HDAC9: variants seen among roughly 807,000 people sequenced by gnomAD.
HDAC9 encodes MEF-2 interacting transcription repressor (MITR) protein.
HDAC9 carries 41 observed loss-of-function variants against 139.4 expected under a neutral mutation model. That is an observed-to-expected ratio of 0.29 (90% confidence interval 0.23 to 0.38). The LOEUF is 0.38. HDAC9 is among the 10% of genes least tolerant of loss of function. The pLI is 1.00. For missense variants in HDAC9, 1,147 were observed against 1,297.0 expected, an observed-to-expected ratio of 0.88 and a Z score of 1.78; for synonymous variants, 517 against 476.2, an observed-to-expected ratio of 1.09 and a Z score of -1.12.
At chr7:18,632,272 GTATTT>G (rs1782588976) in intron 7 of HDAC9, among the ~76,000 whole-genome samples, 1 of 152,010 alleles carries the variant, frequency 6.6e-6, no homozygotes, top group African/African-American at 2.4e-5. Flanking sequence ...ATGTGTTTAA[GTATTT>G]TATTATACTA....
intron 21 of HDAC9, 41 bp from the exon 22 acceptor site, chr7:18,874,437 C>G (rs371084822): frequency 7.8e-7 from 1 of 1,275,674 alleles, no homozygotes; most frequent in African/African-American, 1.5e-5. Flanking sequence ...TAAAGGTATT[C>G]ACCAGTCCCA....
At chr7:18,129,239 T>C (rs137958837) in intron 1 of HDAC9, among the ~76,000 whole-genome samples, 1 of 152,306 alleles carries the variant, frequency 6.6e-6, no homozygotes, top group African/African-American at 2.4e-5. Context: ...TGAAATTCTA[T>C]TGAAAAACAG....
At chr7:18,129,602 A>G (rs923997193) in intron 1 of HDAC9, among the ~76,000 whole-genome samples, 2 of 152,208 alleles carry the variant, frequency 1.3e-5, no homozygotes, top group Admixed American at 6.6e-5. Context: ...ATAGTTGATT[A>G]AATACTTTAC....
chr7:18,702,115 G>A (rs1562865373), intron 12 of HDAC9, among the ~76,000 whole-genome samples: 1 of 152,160 alleles, frequency 6.6e-6, no homozygotes, highest in Non-Finnish European at 1.5e-5. Flanking sequence ...GAGCGTGGCT[G>A]TAGGTTAGTC....
At chr7:18,507,203 C>T (rs6957711) in intron 2 of HDAC9, among the ~76,000 whole-genome samples, 17 of 84,704 alleles carry the variant, frequency 2.0e-4, no homozygotes, top group African/African-American at 9.3e-4. Flanking sequence ...ATTATTATTA[C>T]TATTTGAGAC....
chr7:18,284,934 C>G (rs1797339062), intron 2 of HDAC9, among the ~76,000 whole-genome samples: 1 of 152,110 alleles, frequency 6.6e-6, no homozygotes. Flanking sequence ...AAAATAAGGA[C>G]CCAATGACAG....
intron 12 of HDAC9, among the ~76,000 whole-genome samples, chr7:18,726,196 T>C (rs1785532307): frequency 6.6e-6 from 1 of 152,348 alleles, no homozygotes; most frequent in East Asian, 1.9e-4. Flanking sequence ...AACCACATAA[T>C]ACGCAATGAG....
intron 25 of HDAC9, among the ~76,000 whole-genome samples, chr7:18,989,247 A>G (rs1179430420): frequency 6.0e-5 from 9 of 148,996 alleles, no homozygotes; most frequent in Non-Finnish European, 1.3e-4. Context: ...GAGCTCTTTT[A>G]GGGCAGGCCT....
intron 1 of HDAC9, among the ~76,000 whole-genome samples, chr7:18,298,748 T>G (rs1027462511): frequency 6.6e-6 from 1 of 152,198 alleles, no homozygotes; most frequent in Non-Finnish European, 1.5e-5. Flanking sequence ...TAGGACACTC[T>G]TAGTCATATA....
At chr7:18,419,905 C>T (rs1470613081) in intron 1 of HDAC9, among the ~76,000 whole-genome samples, 1 of 151,982 alleles carries the variant, frequency 6.6e-6, no homozygotes, top group African/African-American at 2.4e-5. Flanking sequence ...GTTTCCTGCA[C>T]ATTGGGAAGA....
chr7:18,514,175 A>G (rs773070677), intron 2 of HDAC9, among the ~76,000 whole-genome samples: 20 of 152,312 alleles, frequency 1.3e-4, no homozygotes, highest in South Asian at 2.1e-4. Context: ...TGCATATACA[A>G]TGTATGTATT....
At chr7:18,471,327 T>G (rs117349048) in intron 1 of HDAC9, among the ~76,000 whole-genome samples, 271 of 152,328 alleles carry the variant, frequency 1.8e-3, no homozygotes, top group Non-Finnish European at 3.1e-3. Context: ...ATTTGATATC[T>G]GGGTAATCAA....
intron 1 of HDAC9, among the ~76,000 whole-genome samples, chr7:18,447,094 C>T (rs1314248879): frequency 8.6e-5 from 13 of 152,018 alleles, no homozygotes; most frequent in East Asian, 1.9e-4. Flanking sequence ...GGATTACTGA[C>T]GTCTTTAAAA....
chr7:18,117,136 C>A (rs1784046793), intron 1 of HDAC9, among the ~76,000 whole-genome samples: 1 of 152,020 alleles, frequency 6.6e-6, no homozygotes, highest in South Asian at 2.1e-4. Flanking sequence ...TAAATCTGAA[C>A]CCCTGGTACC....
intron 2 of HDAC9, among the ~76,000 whole-genome samples, chr7:18,567,585 C>G (rs112395937): frequency 2.6e-5 from 4 of 152,144 alleles, no homozygotes; most frequent in African/African-American, 9.6e-5. Context: ...ATTCAGAATG[C>G]CTTTGCTAAG....
intron 1 of HDAC9, among the ~76,000 whole-genome samples, chr7:18,150,121 G>A (rs191711481): frequency 1.2e-4 from 18 of 148,756 alleles, no homozygotes; most frequent in African/African-American, 3.2e-4. Context: ...ATTCAAAGTC[G>A]GCACGTTCTG....
At chr7:18,369,961 T>C (rs1784471130) in intron 1 of HDAC9, among the ~76,000 whole-genome samples, 1 of 152,154 alleles carries the variant, frequency 6.6e-6, no homozygotes, top group Admixed American at 6.6e-5. Context: ...TAATTTTTTT[T>C]TGTAGGTTGA....
intron 6 of HDAC9, among the ~76,000 whole-genome samples, chr7:18,597,274 G>A (rs1456453415): frequency 2.0e-5 from 3 of 152,102 alleles, no homozygotes; most frequent in Admixed American, 6.6e-5. Context: ...TTATTTTGAA[G>A]TGGAAAATAA....
intron 13 of HDAC9, among the ~76,000 whole-genome samples, chr7:18,731,720 G>T (rs932221093): frequency 1.3e-5 from 2 of 152,090 alleles, no homozygotes; most frequent in Non-Finnish European, 2.9e-5. Context: ...CCGCCTCCCG[G>T]GTTCAAGTGA....
Sources: gnomAD v4.1 joint callset for allele counts (sites outside exome capture counted in the v4.1 genomes callset) on GRCh38, gnomAD v4.1.1 for gene constraint, MANE v1.5 for transcripts, NCBI Gene and HGNC (gene_info 2026-07-23, HGNC 2026-07-21) for gene names.